The following CWF19L2 variants were observed in gnomAD, a reference collection of about 807,000 sequenced individuals.
CWF19L2 encodes CWF19-like protein 2.
CWF19L2 carries 98 observed loss-of-function variants against 111.7 expected under a neutral mutation model. The ratio of observed to expected loss-of-function variants is 0.88; its 90% CI spans 0.75 to 1.04. The LOEUF (loss-of-function observed/expected upper bound fraction) is 1.04. Ranked by LOEUF, CWF19L2 falls within the 50% of genes least tolerant of loss-of-function variation. CWF19L2 has a pLI of 0.00. For synonymous variants in CWF19L2, 351 were observed against 342.9 expected, an observed-to-expected ratio of 1.02 and a Z score of -0.26; for missense variants, 1,101 against 1,051.4, an observed-to-expected ratio of 1.05 and a Z score of -0.65.
In CWF19L2 at chr11:107,428,865, T is replaced by A. The variant is rs760141779; in HGVS notation, c.1367A>T (p.Asp456Val). 1.9e-6 allele frequency: 3 copies of A among 1,613,686 alleles called. No individual in the cohort carries two copies. Among genetic ancestry groups the A allele is most frequent in the South Asian group, 2.2e-5 (2 of 91,072 alleles). ...VPEDPREKSQ[D>V]EVLRDDPPKK... Reference sequence around the variant, plus strand: ...TGGAGGGTCATCTCTCAAGACTTCATCTTGTGATTTTTCTCTTGGGTCTTC... The same window carrying A: ...TGGAGGGTCATCTCTCAAGACTTCAACTTGTGATTTTTCTCTTGGGTCTTC... The change falls in exon 8 of 18, where the codon GAT becomes GTT. Residue 456 changes from aspartate to valine, a missense_variant. Physicochemically the swap from Asp to Val is radical, Grantham distance 152 (BLOSUM62 -3). Coordinates refer to ENST00000282251, the MANE Select transcript of CWF19L2 (RefSeq NM_152434.3).
intron 10 of CWF19L2, among the ~76,000 whole-genome samples, chr11:107,406,810 T>C (rs944362663): frequency 6.6e-6 from 1 of 151,652 alleles, no homozygotes; most frequent in Non-Finnish European, 1.5e-5. Flanking sequence ...CAGTTTTTAA[T>C]CTATCCTTTG....
At chr11:107,412,361 G>C (rs1861169082) in intron 10 of CWF19L2, among the ~76,000 whole-genome samples, 1 of 152,074 alleles carries the variant, frequency 6.6e-6, no homozygotes, top group Admixed American at 6.6e-5. Context: ...TGTTTTTTGA[G>C]ATGGAGTCCC....
At chr11:107,402,072 A>G (rs963981021) in intron 10 of CWF19L2, among the ~76,000 whole-genome samples, 2 of 152,216 alleles carry the variant, frequency 1.3e-5, no homozygotes, top group Non-Finnish European at 2.9e-5. Context: ...ACTTTATACA[A>G]AAATCAACTC....
At chr11:107,371,448 G>A (rs371416895) in intron 12 of CWF19L2, among the ~76,000 whole-genome samples, 4 of 137,352 alleles carry the variant, frequency 2.9e-5, no homozygotes, top group East Asian at 4.2e-4. Flanking sequence ...ATATGACATT[G>A]ACTTATGTGT....
chr11:107,347,273 C>T (rs563840664), intron 14 of CWF19L2, among the ~76,000 whole-genome samples: 2 of 152,084 alleles, frequency 1.3e-5, no homozygotes, highest in East Asian at 3.9e-4. Flanking sequence ...TTTTTAAAAC[C>T]ACTTGAAAGA....
In CWF19L2 at chr11:107,355,423, AAAAAAAC is replaced by A. The variant is rs1376152590; in HGVS notation, c.1873-1694_1873-1688del. Reference sequence around the variant, plus strand: ...AGAGCGAAACTCCGTCTCAAAAAAAAAAAAAACAAACAAAAGCAACAACAACAACAAC... The same window carrying A: ...AGAGCGAAACTCCGTCTCAAAAAAAAAAACAAAAGCAACAACAACAACAAC... On this transcript the variant is annotated intron_variant, in intron 12 of 17. Coordinates refer to ENST00000282251, the MANE Select transcript of CWF19L2 (RefSeq NM_152434.3). Among the ~76,000 whole-genome samples the A allele has an allele frequency of 1.1e-4, 16 of 152,040 alleles. No individual in the cohort carries two copies. The South Asian group carries it at 2.3e-3, about 22-fold the overall frequency.
chr11:107,442,712 G>GAGAA, intron 4 of CWF19L2, among the ~76,000 whole-genome samples: 1 of 134,576 alleles, frequency 7.4e-6, no homozygotes, highest in Non-Finnish European at 1.7e-5. Context: ...GAAAGAGAGA[G>GAGAA]AGAGAGAGAA....
At chr11:107,342,621 G>T (rs1357763483) in intron 14 of CWF19L2, among the ~76,000 whole-genome samples, 1 of 152,076 alleles carries the variant, frequency 6.6e-6, no homozygotes, top group African/African-American at 2.4e-5. Context: ...TTGTTAAGTG[G>T]AGTGTTATAC....
chr11:107,395,486 TATG>T (rs956794681), intron 10 of CWF19L2, among the ~76,000 whole-genome samples: 24 of 152,256 alleles, frequency 1.6e-4, no homozygotes, highest in African/African-American at 5.8e-4. Context: ...TTCATTTTTC[TATG>T]ATTATTTTTT....
chr11:107,406,138 C>T (rs192073879), intron 10 of CWF19L2, among the ~76,000 whole-genome samples: 6 of 152,334 alleles, frequency 3.9e-5, no homozygotes, highest in Admixed American at 3.9e-4. Flanking sequence ...AAAGCACACA[C>T]TGCTTTGATT....
chr11:107,400,659 C>A (rs1860986839), intron 10 of CWF19L2, among the ~76,000 whole-genome samples: 1 of 152,114 alleles, frequency 6.6e-6, no homozygotes, highest in Admixed American at 6.5e-5. Context: ...GGTACCAATC[C>A]TTTTGACACT....
intron 6 of CWF19L2, among the ~76,000 whole-genome samples, chr11:107,435,323 T>C (rs958942862): frequency 6.8e-6 from 1 of 147,270 alleles, no homozygotes; most frequent in African/African-American, 2.5e-5. Context: ...TTGAGGAAGT[T>C]AGTCTAAATC....
intron 12 of CWF19L2, among the ~76,000 whole-genome samples, chr11:107,375,437 C>CAATCA: frequency 7.2e-6 from 1 of 139,262 alleles, no homozygotes; most frequent in Non-Finnish European, 1.6e-5. Flanking sequence ...GACCACAGTG[C>CAATCA]AATCAAACTA....
chr11:107,343,523 A>G (rs1450534818), intron 14 of CWF19L2, among the ~76,000 whole-genome samples: 1 of 152,164 alleles, frequency 6.6e-6, no homozygotes, highest in Non-Finnish European at 1.5e-5. Context: ...CAGACAGCAT[A>G]TAGTTATGAA....
At chr11:107,443,398 G>A (rs529384012) in intron 3 of CWF19L2, among the ~76,000 whole-genome samples, 18 of 151,990 alleles carry the variant, frequency 1.2e-4, no homozygotes, top group Admixed American at 9.2e-4. Context: ...CAGGAGAATC[G>A]CTTGTACCCA....
chr11:107,331,551 G>A (rs1859849845), intron 16 of CWF19L2, among the ~76,000 whole-genome samples: 1 of 152,194 alleles, frequency 6.6e-6, no homozygotes, highest in South Asian at 2.1e-4. Flanking sequence ...GCTAGAAAAG[G>A]CAAAGGAATG....
At chr11:107,342,681 G>A (rs185563199) in intron 14 of CWF19L2, among the ~76,000 whole-genome samples, 239 of 152,128 alleles carry the variant, frequency 1.6e-3, no homozygotes, top group Non-Finnish European at 2.9e-3. Context: ...GCTGACTAAT[G>A]GCCCCCAAGA....
intron 4 of CWF19L2, 37 bp downstream of exon 4, chr11:107,442,902 A>AAGGAAGGG: frequency 1.5e-6 from 2 of 1,307,924 alleles, no homozygotes; most frequent in East Asian, 2.5e-5. Context: ...GGAAGGAAGG[A>AAGGAAGGG]AGAAAGCAAG....
rs2134513876 is a variant in CWF19L2, at chr11:107,327,013, C to T, written c.2582G>A (p.Trp861Ter). The change falls in exon 18 of 18, where the codon TGG becomes TAG. Residue 861 changes from tryptophan to a stop codon, truncating the protein, a stop_gained. Coordinates refer to ENST00000282251, the MANE Select transcript of CWF19L2 (RefSeq NM_152434.3). LOFTEE classifies it high-confidence loss of function. ...AAAGCTTTCTCGGATGCCTTTCCTC[C>T]AAAGTCTTGGTTCTATATCCAGCAT... ...GGMLDIEPRL[W>*]RKGIRESFED... 6.2e-7 allele frequency: 1 copy of T among 1,611,660 alleles called. No homozygotes were observed. The highest frequency in any genetic ancestry group is 1.3e-5 in the African/African-American group (1 of 74,868).
Sources: gnomAD v4.1 joint callset for allele counts (sites outside exome capture counted in the v4.1 genomes callset) on GRCh38, gnomAD v4.1.1 for gene constraint, MANE v1.5 for transcripts, NCBI Gene and HGNC (gene_info 2026-07-23, HGNC 2026-07-21) for gene names.